ARAP2: variants seen among roughly 807,000 people sequenced by gnomAD.
ARAP2 encodes ArfGAP with RhoGAP domain, ankyrin repeat and PH domain 2.
In ARAP2, 148 loss-of-function variants were observed where a neutral mutation model predicts 194.5. That is an observed-to-expected ratio of 0.76 (90% CI 0.67 to 0.87). The LOEUF (loss-of-function observed/expected upper bound fraction) is 0.87, where lower values mean the gene tolerates loss of function less well. ARAP2 is among the 40% of genes least tolerant of loss of function. The pLI is 0.00. For missense variants in ARAP2, 2,128 were observed against 1,989.7 expected, an observed-to-expected ratio of 1.07 and a Z score of -1.32; for synonymous variants, 695 against 683.5, an observed-to-expected ratio of 1.02 and a Z score of -0.26.
intron 15 of ARAP2, among the ~76,000 whole-genome samples, chr4:36,155,038 C>T (rs1018217397): frequency 1.3e-5 from 2 of 152,134 alleles, no homozygotes; most frequent in African/African-American, 4.8e-5. Context: ...ATGCTTTGTG[C>T]CAGCAATTAT....
chr4:36,156,317 A>AAGGGAGGG (rs1370640800), intron 15 of ARAP2, among the ~76,000 whole-genome samples: 1 of 112,468 alleles, frequency 8.9e-6, no homozygotes, highest in African/African-American at 3.3e-5. Flanking sequence ...GGAAGGAAGG[A>AAGGGAGGG]AGGGAGGGAG....
Position 36,041,025 on chromosome 4 carries a change from GT to G in ARAP2, n.607+4953del, listed in dbSNP as rs545638682. On this transcript the variant is annotated intron_variant and non_coding_transcript_variant, in intron 5 of 12. Coordinates refer to the ARAP2 transcript ENST00000503225. ...TCCTTCAATACCTAGTTTATTGAGA[GT>G]TTTTTTTTTTACATGAACAGATGTT... is the stretch of plus-strand genomic sequence containing the variant. Among the ~76,000 whole-genome samples the G allele has an allele frequency of 9.1e-3, 1,325 of 146,242 alleles. 22 individuals carry two copies. Among genetic ancestry groups the G allele is most frequent in the African/African-American group, 0.029 (1,188 of 40,272 alleles).
chr4:36,181,059 C>CT (rs1011169071), intron 8 of ARAP2, among the ~76,000 whole-genome samples: 5 of 152,214 alleles, frequency 3.3e-5, no homozygotes, highest in African/African-American at 1.2e-4. Flanking sequence ...GGACAAGAGT[C>CT]TAGGGTAAAG....
intron 5 of ARAP2, among the ~76,000 whole-genome samples, chr4:36,040,373 G>A (rs932730862): frequency 4.6e-5 from 7 of 152,166 alleles, no homozygotes; most frequent in African/African-American, 1.7e-4. Context: ...ATCTAGTTCT[G>A]TGAAGAATTA....
intron 5 of ARAP2, among the ~76,000 whole-genome samples, chr4:36,021,070 C>T (rs2109338859): frequency 6.6e-6 from 1 of 152,182 alleles, no homozygotes; most frequent in South Asian, 2.1e-4. Flanking sequence ...TGATACGTAT[C>T]CTTGGAAATG....
intron 6 of ARAP2, among the ~76,000 whole-genome samples, chr4:36,204,545 G>C (rs1745109900): frequency 6.6e-6 from 1 of 152,204 alleles, no homozygotes; most frequent in Non-Finnish European, 1.5e-5. Context: ...CAAGATGTTA[G>C]TGTGCACTCG....
At chr4:36,045,993 G>C (rs111769809) in exon 5 of ARAP2, 1 of 152,164 alleles carries the variant, frequency 6.6e-6, no homozygotes, top group African/African-American at 2.4e-5. Flanking sequence ...TTCCATAGCT[G>C]TTAAGTTTTA....
At position 36,119,648 on chromosome 4, in the gene ARAP2, A is replaced by T; in HGVS notation, c.3963+2T>A. 1 of 1,590,992 alleles carries T rather than the reference A, an allele frequency of 6.3e-7. No individual in the cohort carries two copies. ...TTTAGAGATCTAACTATTACTACTC[A>T]CTTGGGTGTCTTTCCACTTGGTAAT... On this transcript the variant is annotated splice_donor_variant, in intron 24 of 32. Coordinates refer to ENST00000303965, the MANE Select transcript of ARAP2 (RefSeq NM_015230.4). LOFTEE classifies it high-confidence loss of function.
rs201539166 is a variant in ARAP2, at chr4:36,228,985, C to A, written c.502G>T (p.Asp168Tyr). 650 of 1,613,962 alleles carry A rather than the reference C, an allele frequency of 4.0e-4. No homozygotes were observed. The highest frequency in any genetic ancestry group is 4.9e-4 in the Non-Finnish European group (583 of 1,180,000). The change falls in exon 2 of 33, where the codon GAT (aspartate) becomes TAT (tyrosine). Residue 168 changes from aspartate to tyrosine, a missense_variant. Physicochemically the swap from Asp to Tyr is radical, Grantham distance 160 (BLOSUM62 -3). Coordinates refer to ENST00000303965, the MANE Select transcript of ARAP2 (RefSeq NM_015230.4). ...ATATTGTCACTACCAAATAAAGAAT[C>A]ATTCAAAGAACCCAAATTCAGGTGT... ...EPHLNLGSLN[D>Y]SLFGSDNIKI...
At chr4:36,071,030 G>A (rs1217365638) in intron 32 of ARAP2, among the ~76,000 whole-genome samples, 1 of 152,076 alleles carries the variant, frequency 6.6e-6, no homozygotes, top group Non-Finnish European at 1.5e-5. Flanking sequence ...GGGCTTATGG[G>A]TGGGATTCTA....
At chr4:36,193,732 T>C in intron 6 of ARAP2, 85 bp from the exon 7 acceptor site, 1 of 1,004,864 alleles carries the variant, frequency 1.0e-6, no homozygotes, top group Non-Finnish European at 1.5e-6. Context: ...ACCGTGTAAA[T>C]ATATTATTAT....
intron 19 of ARAP2, among the ~76,000 whole-genome samples, chr4:36,145,048 A>G (rs980238744): frequency 2.0e-5 from 3 of 151,982 alleles, no homozygotes; most frequent in Non-Finnish European, 4.4e-5. Context: ...TGTAATTAAG[A>G]GTTTTTTTAA....
At chr4:36,114,365 A>G in intron 25 of ARAP2, 78 bp from the exon 26 acceptor site, 2 of 838,236 alleles carry the variant, frequency 2.4e-6, no homozygotes, top group Non-Finnish European at 3.8e-6. Flanking sequence ...AATATTCCCC[A>G]TCCACCATTT....
rs187450575 is a variant in ARAP2, at chr4:36,201,529, C to T, written c.1488-7882G>A. On this transcript the variant is annotated intron_variant, in intron 6 of 32. Coordinates refer to ENST00000303965, the MANE Select transcript of ARAP2 (RefSeq NM_015230.4). ...AAACATTTATTTAAGAAGCTTTTTT[C>T]GAATAATTTATTAGACTTGTGCAGT... Among the ~76,000 whole-genome samples, 369 of 152,116 alleles carry T rather than the reference C, an allele frequency of 2.4e-3. 2 individuals are homozygous for T. Among genetic ancestry groups the T allele is most frequent in the African/African-American group, 3.7e-3 (152 of 41,542 alleles).
intron 2 of ARAP2, among the ~76,000 whole-genome samples, chr4:36,054,574 C>A (rs1205653133): frequency 1.3e-5 from 2 of 152,110 alleles, no homozygotes; most frequent in African/African-American, 4.8e-5. Context: ...GAGACAAGAG[C>A]TTGACTTCCA....
chr4:36,026,016 G>A (rs764526738), intron 5 of ARAP2, among the ~76,000 whole-genome samples: 15 of 152,048 alleles, frequency 9.9e-5, no homozygotes, highest in Non-Finnish European at 1.6e-4. Context: ...TCAAATTGCT[G>A]AAGGAAAACA....
At chr4:36,042,905 C>T (rs766582720) in intron 5 of ARAP2, among the ~76,000 whole-genome samples, 115 of 151,170 alleles carry the variant, frequency 7.6e-4, no homozygotes, top group Non-Finnish European at 6.5e-4. Flanking sequence ...TGCAATGGCA[C>T]GATCTTGGCT....
chr4:36,063,475 A>G (rs78921222), downstream of ARAP2, among the ~76,000 whole-genome samples: 7 of 152,210 alleles, frequency 4.6e-5, no homozygotes, highest in Admixed American at 6.5e-5. Flanking sequence ...AAAAAAAAAA[A>G]AGAGATTTGC....
At chr4:36,199,162 C>T (rs1014811668) in intron 6 of ARAP2, among the ~76,000 whole-genome samples, 5 of 152,246 alleles carry the variant, frequency 3.3e-5, no homozygotes, top group African/African-American at 1.2e-4. Context: ...AGTGTCATGG[C>T]AGCAGCGGCT....
Sources: gnomAD v4.1 joint callset for allele counts (sites outside exome capture counted in the v4.1 genomes callset) on GRCh38, gnomAD v4.1.1 for gene constraint, MANE v1.5 for transcripts, NCBI Gene and HGNC (gene_info 2026-07-23, HGNC 2026-07-21) for gene names.